Variants in HS6ST1 observed in about 807,000 individuals in gnomAD.
The protein encoded by HS6ST1 is heparan sulfate 6-O-sulfotransferase 1.
Under a neutral mutation model 25.2 loss-of-function variants are expected in HS6ST1, and 3 were observed. The ratio of observed to expected loss-of-function variants is 0.12; its 90% CI spans 0.05 to 0.31. The LOEUF (loss-of-function observed/expected upper bound fraction) is 0.31, where lower values mean the gene tolerates loss of function less well. HS6ST1 is among the 10% of genes least tolerant of loss of function. The pLI is 1.00. For missense variants in HS6ST1, 310 were observed against 609.6 expected (o/e 0.51, Z 5.18); for synonymous variants, 204 against 275.1 (o/e 0.74, Z 2.56).
chr2:128,270,297 G>A (rs1053078549), intron 1 of HS6ST1, among the ~76,000 whole-genome samples: 1 of 152,212 alleles, frequency 6.6e-6, no homozygotes, highest in Admixed American at 6.5e-5. Context: ...CCCAGGGTCA[G>A]GCACGGCTGG....
At chr2:128,283,738 C>T (rs1233071879) in intron 1 of HS6ST1, among the ~76,000 whole-genome samples, 1 of 152,136 alleles carries the variant, frequency 6.6e-6, no homozygotes. Flanking sequence ...GTGGGTCTAC[C>T]CCTGTGGGTG....
At chr2:128,291,653 C>T (rs781502777) in intron 1 of HS6ST1, among the ~76,000 whole-genome samples, 2 of 152,218 alleles carry the variant, frequency 1.3e-5, no homozygotes, top group Non-Finnish European at 2.9e-5. Flanking sequence ...AGCCAGGGCA[C>T]AGGCTGTGTG....
In HS6ST1 at chr2:128,318,407, C is replaced by A; in HGVS notation, c.157G>T (p.Asp53Tyr). ...GAPGGRAPPD[D>Y]LDLFPTPDPH... ...TCGGGTGTGGGGAACAGGTCCAGGT[C>A]GTCGGGCGGCGCGCGGCCGCCGGGC... The change falls in exon 1 of 2, where the codon GAC becomes TAC. Residue 53 changes from aspartate to tyrosine, a missense_variant. By Grantham distance (160) the Asp-to-Tyr change is radical. Coordinates refer to ENST00000259241, the MANE Select transcript of HS6ST1 (RefSeq NM_004807.3). The surrounding 1 kb of genome is among the most constrained non-coding windows in gnomAD (Gnocchi z 5.7). The A allele has an allele frequency of 1.2e-6, 2 of 1,603,296 alleles. No homozygotes were observed. Among genetic ancestry groups the A allele is most frequent in the Non-Finnish European group, 8.5e-7 (1 of 1,175,950 alleles).
intron 1 of HS6ST1, among the ~76,000 whole-genome samples, chr2:128,271,785 A>G (rs1398767750): frequency 6.6e-6 from 1 of 152,098 alleles, no homozygotes; most frequent in Non-Finnish European, 1.5e-5. Flanking sequence ...GCCCCGATTG[A>G]CCCGAGGGCT....
chr2:128,267,803 C>G lies in HS6ST1; in HGVS notation c.*359G>C, dbSNP rs1019296444. 2 of 376,982 alleles carry G rather than the reference C, an allele frequency of 5.3e-6. No homozygotes were observed. The highest frequency in any genetic ancestry group is 4.1e-5 in the African/African-American group (2 of 48,582). 23.4% of individuals were successfully genotyped at this position (376,982 alleles called of 1,614,324 possible). The stretch of plus-strand genomic sequence containing the variant: ...TAGTTGGTGAGGGACACACTCCCGG[C>G]CTGGCAGGTCCACTTTCCGCTGTCC... On this transcript the variant is annotated 3_prime_UTR_variant, in exon 2 of 2. Coordinates refer to ENST00000259241, the MANE Select transcript of HS6ST1 (RefSeq NM_004807.3).
intron 1 of HS6ST1, among the ~76,000 whole-genome samples, chr2:128,295,109 T>C (rs1211357396): frequency 2.0e-5 from 3 of 152,178 alleles, no homozygotes; most frequent in Non-Finnish European, 4.4e-5. Context: ...TCCAGTGCCC[T>C]CTGAGCCCTG....
At chr2:128,279,330 CTTTTTTT>C (rs61670210) in intron 1 of HS6ST1, among the ~76,000 whole-genome samples, 2 of 124,746 alleles carry the variant, frequency 1.6e-5, no homozygotes, top group African/African-American at 6.3e-5. Flanking sequence ...ATGACAGAAC[CTTTTTTT>C]TTTTTTTTTT....
intron 1 of HS6ST1, among the ~76,000 whole-genome samples, chr2:128,299,354 G>A (rs555625191): frequency 6.6e-6 from 1 of 152,358 alleles, no homozygotes; most frequent in South Asian, 2.1e-4. Context: ...GCCCTGGCCG[G>A]CCCACTCTTA....
intron 1 of HS6ST1, among the ~76,000 whole-genome samples, chr2:128,304,672 C>G (rs1357158326): frequency 6.6e-6 from 1 of 152,368 alleles, no homozygotes; most frequent in East Asian, 1.9e-4. Flanking sequence ...CAAAAACCCT[C>G]TGCCACTGGG....
At chr2:128,293,489 C>T (rs1486688779) in intron 1 of HS6ST1, among the ~76,000 whole-genome samples, 1 of 152,232 alleles carries the variant, frequency 6.6e-6, no homozygotes, top group East Asian at 1.9e-4. Flanking sequence ...CCAGAAACCA[C>T]TGTTCCTCAT....
chr2:128,270,644 GGC>G (rs1365675349), intron 1 of HS6ST1, among the ~76,000 whole-genome samples: 1 of 152,262 alleles, frequency 6.6e-6, no homozygotes, highest in Non-Finnish European at 1.5e-5. Flanking sequence ...GCTCAGAAGA[GGC>G]TATCCATATC....
chr2:128,281,621 G>A (rs531692829), intron 1 of HS6ST1, among the ~76,000 whole-genome samples: 9 of 152,326 alleles, frequency 5.9e-5, no homozygotes, highest in East Asian at 1.9e-4. Flanking sequence ...TTTCCTTGGC[G>A]TTCCACCAGC....
intron 1 of HS6ST1, among the ~76,000 whole-genome samples, chr2:128,295,381 G>A (rs1348946991): frequency 6.6e-6 from 1 of 152,230 alleles, no homozygotes; most frequent in Non-Finnish European, 1.5e-5. Flanking sequence ...AGCTGCCTGG[G>A]TGTCCACACC....
chr2:128,266,917 C>G lies in HS6ST1; in HGVS notation c.*1245G>C, dbSNP rs1403572853. The G allele has an allele frequency of 6.6e-6, 1 of 152,090 alleles. No individual in the cohort carries two copies. Among genetic ancestry groups the G allele is most frequent in the Non-Finnish European group, 1.5e-5 (1 of 68,056 alleles). The allele number at this position is 152,090 out of a possible 1,614,324, so 9.4% of individuals were successfully genotyped here. ...ACCTGCGCGGCTGCTGGGAACAGAG[C>G]ATGGCCAGCCTTTTGCCAGGGGGTG... is the stretch of plus-strand genomic sequence containing the variant. On this transcript the variant is annotated 3_prime_UTR_variant, in exon 2 of 2. Transcript: ENST00000259241.
Position 128,306,246 on chromosome 2 carries a change from C to T in HS6ST1, c.527+11791G>A, listed in dbSNP as rs954332224. ...AGCACGCTGGTGTCACTCCACAGGA[C>T]AGTGCCTTCCCTGGCTTTCCCTCCA... On this transcript the variant is annotated intron_variant, in intron 1 of 1. Coordinates refer to ENST00000259241, the MANE Select transcript of HS6ST1 (RefSeq NM_004807.3). Among the ~76,000 whole-genome samples the T allele has an allele frequency of 3.9e-5, 6 of 152,344 alleles. No individual in the cohort carries two copies. The South Asian group carries it at 1.2e-3, about 32-fold the overall frequency.
intron 1 of HS6ST1, among the ~76,000 whole-genome samples, chr2:128,314,597 G>A (rs914198789): frequency 3.3e-5 from 5 of 152,192 alleles, no homozygotes; most frequent in African/African-American, 7.2e-5. Flanking sequence ...AGCACCAGGC[G>A]GATTTCTGGA....
intron 1 of HS6ST1, among the ~76,000 whole-genome samples, chr2:128,291,801 G>A (rs1693956271): frequency 6.6e-6 from 1 of 152,230 alleles, no homozygotes; most frequent in Non-Finnish European, 1.5e-5. Context: ...CAAGGATGTG[G>A]CTAACAGCTG....
chr2:128,300,164 A>G (rs1694102056), intron 1 of HS6ST1, among the ~76,000 whole-genome samples: 1 of 152,182 alleles, frequency 6.6e-6, no homozygotes, highest in South Asian at 2.1e-4. Flanking sequence ...AGCTCCTGCA[A>G]CCAGAACTAC....
intron 1 of HS6ST1, among the ~76,000 whole-genome samples, chr2:128,303,557 A>AT (rs1427633036): frequency 1.1e-4 from 16 of 152,236 alleles, no homozygotes; most frequent in African/African-American, 3.9e-4. Flanking sequence ...CTGGGCCCAG[A>AT]TGCTCCTCCA....
Sources: allele counts gnomAD v4.1 joint callset (sites outside exome capture counted in the v4.1 genomes callset), GRCh38; gene constraint gnomAD v4.1.1; non-coding constraint Gnocchi (gnomAD v3.1); transcripts MANE v1.5; gene names NCBI Gene and HGNC (gene_info 2026-07-23, HGNC 2026-07-21).